ZBTB7C: variants seen among roughly 807,000 people sequenced by gnomAD.
ZBTB7C encodes the protein zinc finger and BTB domain-containing protein 7C.
ZBTB7C carries 8 observed loss-of-function variants against 25.7 expected under a neutral mutation model. The ratio of observed to expected loss-of-function variants is 0.31; its 90% CI spans 0.18 to 0.56. The LOEUF (loss-of-function observed/expected upper bound fraction) is 0.56. ZBTB7C is among the 20% of genes least tolerant of loss of function. ZBTB7C has a pLI of 0.91. For missense variants in ZBTB7C, 824 were observed against 855.2 expected (o/e 0.96, Z 0.46); for synonymous variants, 394 against 369.0 (o/e 1.07, Z -0.78).
At chr18:48,228,169 G>A (rs1211544907) in intron 2 of ZBTB7C, among the ~76,000 whole-genome samples, 1 of 152,172 alleles carries the variant, frequency 6.6e-6, no homozygotes, top group Non-Finnish European at 1.5e-5. Flanking sequence ...ACAGGACCTG[G>A]CTGGAGAGTA....
intron 2 of ZBTB7C, among the ~76,000 whole-genome samples, chr18:48,280,664 G>T (rs1178048830): frequency 6.6e-6 from 1 of 151,934 alleles, no homozygotes; most frequent in African/African-American, 2.4e-5. Flanking sequence ...TAGACACAAG[G>T]GTCTATATAT....
intron 2 of ZBTB7C, among the ~76,000 whole-genome samples, chr18:48,304,801 A>G (rs920776136): frequency 2.9e-5 from 4 of 139,294 alleles, no homozygotes; most frequent in Admixed American, 1.6e-4. Context: ...AGATCACACC[A>G]CTGCACTCCA....
chr18:48,229,091 T>G (rs1360304476), intron 2 of ZBTB7C, among the ~76,000 whole-genome samples: 1 of 152,058 alleles, frequency 6.6e-6, no homozygotes, highest in East Asian at 1.9e-4. Context: ...CAAAACAGCA[T>G]GTTCGTCCCG....
At chr18:48,342,303 A>G (rs982121508) in intron 1 of ZBTB7C, among the ~76,000 whole-genome samples, 10 of 152,224 alleles carry the variant, frequency 6.6e-5, no homozygotes, top group Non-Finnish European at 1.5e-4. Flanking sequence ...CCCAAGTGGG[A>G]CTGATGCCAA....
At chr18:48,192,015 T>A (rs972808498) in intron 2 of ZBTB7C, among the ~76,000 whole-genome samples, 1 of 152,212 alleles carries the variant, frequency 6.6e-6, no homozygotes, top group African/African-American at 2.4e-5. Context: ...GCAGCTTTAT[T>A]CATAATTGCC....
intron 3 of ZBTB7C, among the ~76,000 whole-genome samples, chr18:48,163,351 C>G (rs1344402304): frequency 3.9e-5 from 6 of 152,196 alleles, no homozygotes; most frequent in Admixed American, 3.9e-4. Flanking sequence ...TTCTAGGCCC[C>G]TGAGCTCCTC....
chr18:48,391,569 C>G (rs1232705730), intron 1 of ZBTB7C, among the ~76,000 whole-genome samples: 2 of 148,702 alleles, frequency 1.3e-5, no homozygotes, highest in Admixed American at 1.3e-4. Context: ...ACCATGTTCA[C>G]AAAAATAATA....
intron 4 of ZBTB7C, 52 bp from the exon 5 acceptor site, chr18:48,029,963 C>T (rs762490012): frequency 1.2e-6 from 2 of 1,602,520 alleles, no homozygotes; most frequent in African/African-American, 1.3e-5. Context: ...AGGAGCCATT[C>T]CTAACCTTTT....
intron 3 of ZBTB7C, among the ~76,000 whole-genome samples, chr18:48,139,244 G>A (rs1402761593): frequency 3.3e-5 from 5 of 152,154 alleles, no homozygotes; most frequent in Admixed American, 2.6e-4. Flanking sequence ...GGTTCACTCA[G>A]TAGTTAAGAA....
At chr18:48,238,973 G>A (rs1448783120) in intron 2 of ZBTB7C, among the ~76,000 whole-genome samples, 1 of 152,130 alleles carries the variant, frequency 6.6e-6, no homozygotes, top group Non-Finnish European at 1.5e-5. Flanking sequence ...GAGTGAGACT[G>A]GCCTTGCTGG....
chr18:48,218,578 T>C (rs2042879408), intron 2 of ZBTB7C, among the ~76,000 whole-genome samples: 1 of 152,240 alleles, frequency 6.6e-6, no homozygotes. Flanking sequence ...AGCAGGGGCC[T>C]GGTTTCAGTG....
chr18:48,339,679 G>A (rs186204399), intron 1 of ZBTB7C, among the ~76,000 whole-genome samples: 1 of 152,312 alleles, frequency 6.6e-6, no homozygotes, highest in Non-Finnish European at 1.5e-5. Context: ...ATGGGAAGGA[G>A]GAGGGGGACA....
In ZBTB7C at chr18:48,035,622, G is replaced by A. The variant is rs558686501; in HGVS notation, c.1208+4278C>T. Among the ~76,000 whole-genome samples the A allele has an allele frequency of 1.2e-4, 19 of 152,358 alleles. 1 individual carries two copies. Among genetic ancestry groups the A allele is most frequent in the Admixed American group, 1.0e-3 (16 of 15,304 alleles). ...CTGCAGATGGGGCAAAAAGGTGTGC[G>A]GGGGCCACCTGGACCTGGGATGTCC... On this transcript the variant is annotated intron_variant, in intron 4 of 4. Transcript: ENST00000590800.
intron 2 of ZBTB7C, among the ~76,000 whole-genome samples, chr18:48,317,744 G>A (rs56265245): frequency 0.13 from 20,085 of 152,170 alleles, 1,569 homozygotes; most frequent in Non-Finnish European, 0.19. Context: ...TGCAGCTATT[G>A]AGGGCAGAGC....
At chr18:48,083,397 C>G (rs1388041020) in intron 3 of ZBTB7C, among the ~76,000 whole-genome samples, 2 of 152,170 alleles carry the variant, frequency 1.3e-5, no homozygotes, top group Non-Finnish European at 2.9e-5. Flanking sequence ...ATTCCTTCAT[C>G]TCTCTTTCTC....
chr18:48,040,723 G>T lies in ZBTB7C; in HGVS notation c.385C>A (p.Pro129Thr). 6.2e-7 allele frequency: 1 copy of T among 1,613,594 alleles called. No homozygotes were observed. The highest frequency in any genetic ancestry group is 1.1e-5 in the South Asian group (1 of 91,034). The change falls in exon 4 of 5, where the codon CCT becomes ACT. Residue 129 changes from proline (P) to threonine (T), a missense_variant. Coordinates refer to ENST00000590800, the MANE Select transcript of ZBTB7C (RefSeq NM_001318841.2). ...IVNVCLEIME[P>T]GGDGGEEDDK... The stretch of plus-strand genomic sequence containing the variant: ...TCCTCCTCCCCCCCGTCCCCCCCAG[G>T]CTCCATGATCTCCAGGCACACGTTC...
chr18:48,311,823 A>C (rs190931391), intron 2 of ZBTB7C, among the ~76,000 whole-genome samples: 2 of 152,346 alleles, frequency 1.3e-5, no homozygotes, highest in East Asian at 3.9e-4. Flanking sequence ...CAATAAGATA[A>C]AGACAAGTAG....
chr18:48,141,056 T>C (rs553232708), intron 3 of ZBTB7C, among the ~76,000 whole-genome samples: 1 of 152,238 alleles, frequency 6.6e-6, no homozygotes, highest in East Asian at 1.9e-4. Flanking sequence ...ACATGCACTT[T>C]AGACTATTCA....
chr18:48,189,974 AG>A (rs1471001310), intron 2 of ZBTB7C, among the ~76,000 whole-genome samples: 4 of 152,202 alleles, frequency 2.6e-5, no homozygotes, highest in African/African-American at 9.6e-5. Flanking sequence ...AGCAACATTC[AG>A]GGAGTGGAGT....
Sources: gnomAD v4.1 joint callset for allele counts (sites outside exome capture counted in the v4.1 genomes callset) on GRCh38, gnomAD v4.1.1 for gene constraint, MANE v1.5 for transcripts, NCBI Gene and HGNC (gene_info 2026-07-23, HGNC 2026-07-21) for gene names.